The following PLEK2 variants were observed in gnomAD, a reference collection of about 807,000 sequenced individuals.
PLEK2 encodes pleckstrin-2.
In PLEK2, 29 loss-of-function variants were observed where a neutral mutation model predicts 43.8. The observed-to-expected ratio is 0.66, with a 90% CI of 0.49 to 0.90. PLEK2 has a LOEUF of 0.90. Ranked by LOEUF, PLEK2 falls within the 40% of genes least tolerant of loss-of-function variation. The pLI is 0.00. For missense variants in PLEK2, 398 were observed against 448.1 expected (o/e 0.89, Z 1.01); for synonymous variants, 162 against 173.2 (o/e 0.94, Z 0.51).
At position 67,391,801 on chromosome 14, in the gene PLEK2, G is replaced by A. The variant is rs114626563; in HGVS notation, c.771+525C>T. ...TCAACATAGCTGCTCTCCCAAACAC[G>A]GTTTAGGAGTAGTGGCCATGGCCAG... On this transcript the variant is annotated intron_variant, in intron 6 of 8. Transcript: ENST00000216446. 3.9e-3 allele frequency among the ~76,000 whole-genome samples: 592 copies of A among 152,284 alleles called. 5 individuals carry two copies. The highest frequency in any genetic ancestry group is 0.013 in the African/African-American group (543 of 41,560).
chr14:67,411,881 C>A, intron 1 of PLEK2, 137 bp downstream of exon 1: 1 of 752,242 alleles, frequency 1.3e-6, no homozygotes, highest in South Asian at 2.0e-5. Flanking sequence ...GGGCCACAGG[C>A]GGCCCGGTCC....
chr14:67,390,494 T>C (rs1345668123), intron 7 of PLEK2, among the ~76,000 whole-genome samples, 169 bp downstream of exon 7: 1 of 152,214 alleles, frequency 6.6e-6, no homozygotes, highest in Non-Finnish European at 1.5e-5. Flanking sequence ...ACCTATGTGA[T>C]GACAGGGCAG....
At position 67,387,325 on chromosome 14, in the gene PLEK2, C is replaced by T. The variant is rs774358166; in HGVS notation, c.*4G>A. 1.9e-6 allele frequency: 3 copies of T among 1,608,614 alleles called. 1 individual carries two copies. In the South Asian group the frequency reaches 3.3e-5, roughly 18 times the overall value. ...GGAGGAATCCTGGTTCCCTCAGGTC[C>T]TTGTCATGTTAGCTTTTTGATAGCT... On this transcript the variant is annotated 3_prime_UTR_variant, in exon 9 of 9. Coordinates refer to ENST00000216446, the MANE Select transcript of PLEK2 (RefSeq NM_016445.3).
intron 1 of PLEK2, among the ~76,000 whole-genome samples, chr14:67,400,746 G>A (rs1226785963): frequency 1.3e-5 from 2 of 152,108 alleles, no homozygotes; most frequent in African/African-American, 4.8e-5. Flanking sequence ...CCAGCACTTC[G>A]GGAGGCCAAG....
rs757679246 is a variant in PLEK2 at position 67,412,018 on chromosome 14, C to A, written c.42G>T (p.Arg14Ser). 6.4e-7 allele frequency: 1 copy of A among 1,554,006 alleles called. No individual in the cohort carries two copies. Among genetic ancestry groups the A allele is most frequent in the East Asian group, 2.6e-5 (1 of 38,592 alleles). Reference sequence around the variant, plus strand: ...GTCCCGAAGCTCGACGCGCACTCACCCTCTTGACCAGGAAGCCCTCCTTGA... The same window carrying A: ...GTCCCGAAGCTCGACGCGCACTCACACTCTTGACCAGGAAGCCCTCCTTGA... ...GVLKEGFLVK[R>S]GHIVHNWKAR... The change falls in exon 1 of 9, where the codon AGG becomes AGT. Residue 14 changes from arginine to serine, a missense_variant and splice_region_variant. Physicochemically the swap from Arg to Ser is moderately radical, Grantham distance 110. Transcript: ENST00000216446.
chr14:67,411,946 T>A, intron 1 of PLEK2, 72 bp downstream of exon 1: 1 of 1,371,964 alleles, frequency 7.3e-7, no homozygotes, highest in Non-Finnish European at 9.9e-7. Flanking sequence ...GGCGCGCGTC[T>A]GGCCCCGCTC....
At position 67,392,402 on chromosome 14, in the gene PLEK2, C is replaced by A; in HGVS notation, c.695G>T (p.Ser232Ile). Residue 232 changes from serine (S) to isoleucine (I), a missense_variant, in exon 6 of 9, where the codon AGC becomes ATC. Transcript: ENST00000216446. ...GCTCAGGCTAATTTCTTCCTTGGGG[C>A]TTATCTTCTTTTTGTAGCTCTCAGC... The part of the protein sequence containing the change: ...TFAESYKKKI[S>I]PKEEISLSTV... The A allele has an allele frequency of 6.2e-7, 1 of 1,613,718 alleles. No individual in the cohort carries two copies. The highest frequency in any genetic ancestry group is 8.5e-7 in the Non-Finnish European group (1 of 1,179,656).
chr14:67,392,004 A>G (rs1267539453), intron 6 of PLEK2, among the ~76,000 whole-genome samples: 1 of 152,256 alleles, frequency 6.6e-6, no homozygotes, highest in Non-Finnish European at 1.5e-5. Flanking sequence ...ACCTCAAGCC[A>G]GTCAGCAAAA....
chr14:67,393,025 T>G (rs1259885749), intron 4 of PLEK2, 125 bp downstream of exon 4: 2 of 909,178 alleles, frequency 2.2e-6, no homozygotes, highest in East Asian at 2.4e-5. Context: ...CATGGCCATC[T>G]CAGGCTAGCC....
intron 1 of PLEK2, among the ~76,000 whole-genome samples, chr14:67,409,226 G>C (rs1358036287): frequency 6.6e-6 from 1 of 151,968 alleles, no homozygotes; most frequent in East Asian, 1.9e-4. Flanking sequence ...CTGGGCAACA[G>C]AGTGAGACCC....
intron 6 of PLEK2, among the ~76,000 whole-genome samples, chr14:67,391,214 G>A (rs1423858214): frequency 1.3e-5 from 2 of 151,424 alleles, no homozygotes; most frequent in African/African-American, 4.9e-5. Flanking sequence ...TGTGCATTAG[G>A]AAAAAAGCAA....
chr14:67,392,901 G>T, intron 4 of PLEK2, 52 bp from the exon 5 acceptor site: 1 of 1,469,350 alleles, frequency 6.8e-7, no homozygotes, highest in South Asian at 1.3e-5. Flanking sequence ...AGCGTCCTTG[G>T]GGTGTGTGGC....
chr14:67,391,911 G>A (rs1386743863), intron 6 of PLEK2, among the ~76,000 whole-genome samples: 2 of 152,172 alleles, frequency 1.3e-5, no homozygotes, highest in South Asian at 4.1e-4. Flanking sequence ...CTCAGAAAGT[G>A]TATCAAGGAG....
intron 1 of PLEK2, among the ~76,000 whole-genome samples, chr14:67,405,208 G>A (rs1189136887): frequency 8.4e-6 from 1 of 119,390 alleles, no homozygotes; most frequent in Non-Finnish European, 1.6e-5. Flanking sequence ...CTGGGCGACA[G>A]AGCAAGAGTC....
chr14:67,392,777 G>C lies in PLEK2; in HGVS notation c.554C>G (p.Ser185Cys). ...ASRLEAVTLA[S>C]MLMEENFLRP... ...GAGGAAGTTCTCCTCCATGAGCATG[G>C]AGGCCAGGGTCACCGCCTCCAGACG... The change falls in exon 5 of 9, where the codon TCC (serine) becomes TGC (cysteine). Residue 185 changes from serine (S) to cysteine (C), a missense_variant. Transcript: ENST00000216446. 1.9e-6 allele frequency: 3 copies of C among 1,614,120 alleles called. No homozygotes were observed. Among genetic ancestry groups the C allele is most frequent in the Non-Finnish European group, 2.5e-6 (3 of 1,179,968 alleles).
At chr14:67,411,333 C>T (rs1015519414) in intron 1 of PLEK2, among the ~76,000 whole-genome samples, 1 of 152,074 alleles carries the variant, frequency 6.6e-6, no homozygotes, top group African/African-American at 2.4e-5. Context: ...GTTCCTGTCC[C>T]AGCTATTACT....
At chr14:67,406,196 T>C (rs1288534605) in intron 1 of PLEK2, among the ~76,000 whole-genome samples, 3 of 150,404 alleles carry the variant, frequency 2.0e-5, no homozygotes, top group Non-Finnish European at 1.5e-5. Flanking sequence ...GAGGAGGAGG[T>C]TGCAGTGAGC....
In PLEK2 at chr14:67,392,686, A is replaced by G; in HGVS notation, c.645T>C (p.Asp215=). The stretch of plus-strand genomic sequence containing the variant: ...CAAAAGTGTACAGGGCTGTGGAGTC[A>G]TCCAGGAACTGCTCGGCCAGATCCC... ...RSGDLAEQFL[D]DSTALYTFAE... is the part of the protein sequence containing the mutation. The change falls in exon 5 of 9, where the codon GAT becomes GAC. Residue 215 remains aspartate, a synonymous_variant. Transcript: ENST00000216446. 6.2e-7 allele frequency: 1 copy of G among 1,614,114 alleles called. No homozygotes were observed. The highest frequency in any genetic ancestry group is 8.5e-7 in the Non-Finnish European group (1 of 1,179,942).
chr14:67,387,999 TGA>T (rs2085938944), intron 8 of PLEK2, among the ~76,000 whole-genome samples: 1 of 152,208 alleles, frequency 6.6e-6, no homozygotes, highest in African/African-American at 2.4e-5. Flanking sequence ...GCACAGAAAC[TGA>T]GGGGAAAGAT....
Sources: gnomAD v4.1 joint callset for allele counts (sites outside exome capture counted in the v4.1 genomes callset) on GRCh38, gnomAD v4.1.1 for gene constraint, MANE v1.5 for transcripts, NCBI Gene and HGNC (gene_info 2026-07-23, HGNC 2026-07-21) for gene names.